The following CADM2 variants were observed in gnomAD, a reference collection of about 807,000 sequenced individuals.
CADM2 encodes the protein cell adhesion molecule 2, also known as immunoglobulin superfamily member 4D.
In CADM2, 12 loss-of-function variants were observed where a neutral mutation model predicts 49.8. The observed-to-expected ratio is 0.24, with a 90% CI of 0.15 to 0.39. CADM2 has a LOEUF of 0.39. Among genes scored for constraint, CADM2 ranks in the 10% least tolerant of loss-of-function variants. The pLI, the probability that CADM2 is intolerant of heterozygous loss-of-function variation, is 1.00. For missense variants in CADM2, 378 were observed against 492.3 expected (o/e 0.77, Z 2.20); for synonymous variants, 214 against 175.4 (o/e 1.22, Z -1.74).
chr3:85,856,193 C>A (rs1336139658), intron 3 of CADM2, among the ~76,000 whole-genome samples: 1 of 152,124 alleles, frequency 6.6e-6, no homozygotes, highest in East Asian at 1.9e-4. Flanking sequence ...TACTGTATAA[C>A]TTAAAATAGC....
At chr3:85,416,802 G>A (rs190732125) in intron 1 of CADM2, among the ~76,000 whole-genome samples, 3 of 152,240 alleles carry the variant, frequency 2.0e-5, no homozygotes, top group Admixed American at 1.3e-4. Context: ...GAGGTATATG[G>A]TTCTTAAAAC....
intron 1 of CADM2, among the ~76,000 whole-genome samples, chr3:85,094,533 AAC>A (rs2037722875): frequency 1.3e-5 from 2 of 152,170 alleles, no homozygotes; most frequent in African/African-American, 4.8e-5. Flanking sequence ...AATAAAAATG[AAC>A]ACCTTAAAGG....
intron 2 of CADM2, among the ~76,000 whole-genome samples, chr3:85,727,752 A>G (rs929523325): frequency 2.0e-5 from 3 of 152,148 alleles, no homozygotes; most frequent in Admixed American, 6.6e-5. Context: ...GGGGAGATGC[A>G]TATCAGCACT....
At chr3:85,187,945 C>T (rs560159918) in intron 1 of CADM2, among the ~76,000 whole-genome samples, 18 of 151,712 alleles carry the variant, frequency 1.2e-4, no homozygotes, top group Middle Eastern at 3.6e-3. Context: ...TCTTATAAGT[C>T]AATAAAATTA....
chr3:85,215,041 C>A (rs561955538), intron 1 of CADM2, among the ~76,000 whole-genome samples: 1 of 152,058 alleles, frequency 6.6e-6, no homozygotes, highest in African/African-American at 2.4e-5. Context: ...CCCTCCATGG[C>A]CACCGTAGCT....
At chr3:85,874,303 C>A (rs566266072) in intron 3 of CADM2, among the ~76,000 whole-genome samples, 1 of 152,192 alleles carries the variant, frequency 6.6e-6, no homozygotes, top group South Asian at 2.1e-4. Flanking sequence ...GTTGTAAATG[C>A]CAACTGAAGG....
chr3:85,409,364 T>C (rs559072408), intron 1 of CADM2, among the ~76,000 whole-genome samples: 7 of 152,104 alleles, frequency 4.6e-5, no homozygotes, highest in Non-Finnish European at 1.0e-4. Flanking sequence ...GAAAATAAAA[T>C]GGGAATTTTT....
At chr3:85,155,721 T>A (rs937073374) in intron 1 of CADM2, among the ~76,000 whole-genome samples, 3 of 152,006 alleles carry the variant, frequency 2.0e-5, no homozygotes, top group South Asian at 2.1e-4. Flanking sequence ...GTAAAAGAAC[T>A]GAAATTATAA....
intron 1 of CADM2, among the ~76,000 whole-genome samples, chr3:85,579,214 C>A (rs1406882709): frequency 6.6e-6 from 1 of 152,022 alleles, no homozygotes; most frequent in South Asian, 2.1e-4. Context: ...AAACTCAATC[C>A]TCCAAAAATA....
intron 1 of CADM2, among the ~76,000 whole-genome samples, chr3:84,967,088 A>G (rs546378658): frequency 1.3e-5 from 2 of 152,228 alleles, no homozygotes; most frequent in East Asian, 3.9e-4. Flanking sequence ...TTGCTTATCT[A>G]AAGTTGTCCT....
At chr3:85,927,239 T>G (rs1719988341) in intron 6 of CADM2, among the ~76,000 whole-genome samples, 1 of 152,222 alleles carries the variant, frequency 6.6e-6, no homozygotes. Context: ...AGACCATTAT[T>G]CATTTATTTA....
chr3:85,307,352 C>T (rs984149664), intron 1 of CADM2, among the ~76,000 whole-genome samples: 1 of 151,602 alleles, frequency 6.6e-6, no homozygotes, highest in African/African-American at 2.4e-5. Context: ...AGCTGTTATA[C>T]TTGGCCTGAT....
intron 1 of CADM2, among the ~76,000 whole-genome samples, chr3:84,962,882 T>G (rs1214902466): frequency 6.6e-6 from 1 of 152,198 alleles, no homozygotes; most frequent in Non-Finnish European, 1.5e-5. Flanking sequence ...TCACCTATAT[T>G]TTTTACCTTT....
chr3:85,800,592 T>A (rs1176003802), intron 2 of CADM2, among the ~76,000 whole-genome samples: 3 of 152,162 alleles, frequency 2.0e-5, no homozygotes. Flanking sequence ...GGGAAAAGCA[T>A]AGTATCTGGG....
chr3:86,025,433 CTT>C (rs111482424), intron 8 of CADM2, among the ~76,000 whole-genome samples: 3 of 149,058 alleles, frequency 2.0e-5, no homozygotes, highest in Admixed American at 6.7e-5. Flanking sequence ...CTTCTAAGGA[CTT>C]TTTTTTTTGT....
At chr3:85,062,736 G>A (rs2036380226) in intron 1 of CADM2, among the ~76,000 whole-genome samples, 1 of 151,884 alleles carries the variant, frequency 6.6e-6, no homozygotes, top group African/African-American at 2.4e-5. Context: ...AACTTTAAAT[G>A]TAAGAACTGA....
chr3:85,918,520 G>T (rs1420611925), intron 6 of CADM2, among the ~76,000 whole-genome samples: 1 of 152,128 alleles, frequency 6.6e-6, no homozygotes, highest in Non-Finnish European at 1.5e-5. Context: ...GATCATGGTG[G>T]ATAAGCTTTT....
intron 1 of CADM2, among the ~76,000 whole-genome samples, chr3:85,645,587 A>G (rs962345987): frequency 6.6e-6 from 1 of 152,026 alleles, no homozygotes; most frequent in Non-Finnish European, 1.5e-5. Flanking sequence ...GGGTATATTT[A>G]CTTAGAGATT....
chr3:86,012,820 C>T (rs1731705141), intron 8 of CADM2: 4 of 544,228 alleles, frequency 7.3e-6, no homozygotes, highest in Admixed American at 3.1e-5. Flanking sequence ...ACTAAAAATA[C>T]AAAAATTAGC....
Sources: gnomAD v4.1 joint callset for allele counts (sites outside exome capture counted in the v4.1 genomes callset) on GRCh38, gnomAD v4.1.1 for gene constraint, MANE v1.5 for transcripts, NCBI Gene and HGNC (gene_info 2026-07-23, HGNC 2026-07-21) for gene names.